DPP10: variants seen among roughly 807,000 people sequenced by gnomAD.
The protein encoded by DPP10 is inactive dipeptidyl peptidase 10.
A neutral mutation model predicts 120.9 loss-of-function variants in DPP10; 33 were observed. The observed-to-expected ratio is 0.27, with a 90% CI of 0.21 to 0.37. The LOEUF is 0.37. Ranked by LOEUF, DPP10 falls within the 10% of genes least tolerant of loss-of-function variation. The probability of loss-of-function intolerance (pLI) is 1.00; values close to 1 mark genes in which losing one functional copy is unlikely to be tolerated. For synonymous variants in DPP10, 337 were observed against 326.1 expected, an observed-to-expected ratio of 1.03 and a Z score of -0.36; for missense variants, 816 against 942.8, an observed-to-expected ratio of 0.87 and a Z score of 1.76.
intron 1 of DPP10, among the ~76,000 whole-genome samples, chr2:114,868,232 G>T (rs530046510): frequency 4.6e-5 from 7 of 152,230 alleles, no homozygotes; most frequent in South Asian, 4.1e-4. Context: ...TCCTTGATTA[G>T]GCCTCCTTCT....
chr2:114,608,645 TC>T (rs966922330), intron 1 of DPP10, among the ~76,000 whole-genome samples: 1 of 151,556 alleles, frequency 6.6e-6, no homozygotes, highest in Non-Finnish European at 1.5e-5. Context: ...AGACACGGAA[TC>T]AATGATGCAC....
intron 1 of DPP10, among the ~76,000 whole-genome samples, chr2:115,200,110 C>T (rs1442278856): frequency 6.6e-6 from 1 of 152,076 alleles, no homozygotes; most frequent in Non-Finnish European, 1.5e-5. Flanking sequence ...CTTTTTGTTC[C>T]CCCACACTTC....
At chr2:115,306,589 A>G (rs189327368) in intron 1 of DPP10, among the ~76,000 whole-genome samples, 15 of 152,232 alleles carry the variant, frequency 9.9e-5, no homozygotes, top group African/African-American at 3.4e-4. Context: ...TTAGAAATGT[A>G]ATGGTAATAG....
chr2:115,664,458 C>T (rs6734750), intron 5 of DPP10, among the ~76,000 whole-genome samples: 1 of 151,770 alleles, frequency 6.6e-6, no homozygotes, highest in Non-Finnish European at 1.5e-5. Context: ...TATTTAGAAA[C>T]TATAATTAAC....
chr2:114,862,912 AAC>A (rs375572705), intron 1 of DPP10, among the ~76,000 whole-genome samples: 26,626 of 119,428 alleles, frequency 0.22, 2,646 homozygotes, highest in Admixed American at 0.31. Flanking sequence ...AAAAAAAAAA[AAC>A]CCCTCTTCTT....
At chr2:115,689,536 G>C in intron 5 of DPP10, 151 bp from the exon 6 acceptor site, 1 of 606,888 alleles carries the variant, frequency 1.6e-6, no homozygotes, top group Non-Finnish European at 2.9e-6. Flanking sequence ...AAGGCACAGA[G>C]AGGGTGATAA....
chr2:115,598,099 T>C (rs1295253947), intron 5 of DPP10, among the ~76,000 whole-genome samples: 3 of 152,068 alleles, frequency 2.0e-5, no homozygotes, highest in Non-Finnish European at 4.4e-5. Context: ...CACTTGTAGA[T>C]CTTTTTCCAT....
At chr2:114,949,085 C>T (rs765287512) in intron 1 of DPP10, among the ~76,000 whole-genome samples, 23 of 151,958 alleles carry the variant, frequency 1.5e-4, no homozygotes, top group Non-Finnish European at 2.4e-4. Flanking sequence ...CCACCACACC[C>T]GGCTAATTTT....
intron 1 of DPP10, among the ~76,000 whole-genome samples, chr2:114,947,352 C>G (rs535737758): frequency 6.6e-5 from 10 of 150,818 alleles, no homozygotes; most frequent in African/African-American, 2.4e-4. Flanking sequence ...TGGCCTAATA[C>G]ACAATTTTTT....
chr2:115,482,520 C>A (rs1018142657), intron 3 of DPP10, among the ~76,000 whole-genome samples: 1 of 151,922 alleles, frequency 6.6e-6, no homozygotes, highest in African/African-American at 2.4e-5. Context: ...AAATCTAGTA[C>A]ACAGTCATTT....
At chr2:115,382,558 C>G (rs1271255523) in intron 3 of DPP10, among the ~76,000 whole-genome samples, 1 of 152,174 alleles carries the variant, frequency 6.6e-6, no homozygotes, top group Non-Finnish European at 1.5e-5. Context: ...TGGAGCTGTT[C>G]CTATTCGGCC....
intron 4 of DPP10, among the ~76,000 whole-genome samples, chr2:115,515,825 A>G (rs2077475586): frequency 6.6e-6 from 1 of 152,118 alleles, no homozygotes; most frequent in Admixed American, 6.6e-5. Context: ...CATCTACCCT[A>G]TAAGAGTTGG....
At chr2:115,339,884 G>A (rs1353257351) in intron 2 of DPP10, among the ~76,000 whole-genome samples, 1 of 152,216 alleles carries the variant, frequency 6.6e-6, no homozygotes, top group Non-Finnish European at 1.5e-5. Context: ...CTGGTCACCT[G>A]TGATGCAGTT....
At position 115,843,604 on chromosome 2, in the gene DPP10, A is replaced by G. The variant is rs991232217; in HGVS notation, c.*1259A>G. ...TCACAGACAGCAGTGTTTGCTATTT[A>G]CTTTGAATTGAAGGCACAAAATGCA... On this transcript the variant is annotated 3_prime_UTR_variant, in exon 26 of 26. Coordinates refer to ENST00000410059, the MANE Select transcript of DPP10 (RefSeq NM_020868.6). 9.9e-5 allele frequency: 15 copies of G among 152,174 alleles called. No homozygotes were observed. Among genetic ancestry groups the G allele is most frequent in the South Asian group, 2.1e-4 (1 of 4,834 alleles). The allele number at this position is 152,174 out of a possible 1,614,324, so 9.4% of individuals were successfully genotyped here. A position where few individuals can be genotyped will look rare whatever the true frequency, so the allele number is the denominator to read the frequency against.
rs115320247 is a variant in DPP10, at chr2:114,760,040, C to T, written c.60+317202C>T. On this transcript the variant is annotated intron_variant, in intron 1 of 25. Coordinates refer to ENST00000410059, the MANE Select transcript of DPP10 (RefSeq NM_020868.6). The stretch of plus-strand genomic sequence containing the variant: ...CACTTCTCACCACCTGCACCATTAC[C>T]ACCCTAATCTGAGCTATCATATCTC... Among the ~76,000 whole-genome samples, 1,482 of 152,300 alleles carry T rather than the reference C, an allele frequency of 9.7e-3. 20 individuals carry two copies. Among genetic ancestry groups the T allele is most frequent in the African/African-American group, 0.034 (1,407 of 41,558 alleles).
chr2:115,289,566 G>A (rs2060570412), intron 1 of DPP10, among the ~76,000 whole-genome samples: 1 of 143,462 alleles, frequency 7.0e-6, no homozygotes, highest in Non-Finnish European at 1.5e-5. Context: ...AAAGAGCAAA[G>A]CTGGAGGCAT....
At chr2:114,581,167 T>C (rs948473027) in intron 1 of DPP10, among the ~76,000 whole-genome samples, 1 of 140,664 alleles carries the variant, frequency 7.1e-6, no homozygotes, top group Non-Finnish European at 1.5e-5. Context: ...TTTCTTTTTT[T>C]CTTCTCTTTT....
chr2:114,853,471 C>A (rs902391381), intron 1 of DPP10, among the ~76,000 whole-genome samples: 6 of 151,904 alleles, frequency 3.9e-5, no homozygotes, highest in African/African-American at 1.5e-4. Flanking sequence ...CACCGAAGAC[C>A]CACTGAAGTT....
At chr2:115,793,433 G>A (rs1316324836) in intron 19 of DPP10, among the ~76,000 whole-genome samples, 3 of 151,852 alleles carry the variant, frequency 2.0e-5, no homozygotes, top group African/African-American at 7.3e-5. Flanking sequence ...TTAGTATGGT[G>A]CAAAAGTAAT....
Sources: allele counts gnomAD v4.1 joint callset (sites outside exome capture counted in the v4.1 genomes callset), GRCh38; gene constraint gnomAD v4.1.1; transcripts MANE v1.5; gene names NCBI Gene and HGNC (gene_info 2026-07-23, HGNC 2026-07-21).